The following DBR1 variants were observed in gnomAD, a reference collection of about 807,000 sequenced individuals.
DBR1 encodes debranching RNA lariats 1, also known as lariat debranching enzyme.
A neutral mutation model predicts 45.9 loss-of-function variants in DBR1; 33 were observed. The observed-to-expected ratio is 0.72, with a 90% CI of 0.55 to 0.96. DBR1 has a LOEUF of 0.96. Ranked by LOEUF, DBR1 falls within the 40% of genes least tolerant of loss-of-function variation. The pLI is 0.00. For synonymous variants in DBR1, 235 were observed against 235.9 expected, an observed-to-expected ratio of 1.00 and a Z score of 0.04; for missense variants, 619 against 667.4, an observed-to-expected ratio of 0.93 and a Z score of 0.80.
At position 138,174,636 on chromosome 3, in the gene DBR1, C is replaced by G. The variant is rs1387493876; in HGVS notation, c.160G>C (p.Val54Leu). 13 of 1,611,968 alleles carry G rather than the reference C, an allele frequency of 8.1e-6. No homozygotes were observed. In the African/African-American group the frequency reaches 1.7e-4, roughly 22 times the overall value. Residue 54 changes from valine (V) to leucine (L), a missense_variant, in exon 1 of 8, where the codon GTG (valine) becomes CTG (leucine). Around this residue, in one of 3 missense-constraint regions of DBR1, gnomAD observed 430 missense variants for 447.7 expected, o/e 0.96. Coordinates refer to ENST00000260803, the MANE Select transcript of DBR1 (RefSeq NM_016216.4). ...TGCATGTGACGATACTTGGGCGGCA[C>G]GGCCATGCAGCGTAGATCCGCCTCG... ...RNEADLRCMA[V>L]PPKYRHMQTF... is the part of the protein sequence containing the mutation.
chr3:138,164,004 A>G, intron 5 of DBR1, 146 bp from the exon 6 acceptor site: 1 of 530,422 alleles, frequency 1.9e-6, no homozygotes, highest in Non-Finnish European at 3.4e-6. Context: ...TCCAAAATTA[A>G]GTTAATTCTA....
chr3:138,172,212 T>G (rs527240299), intron 2 of DBR1, among the ~76,000 whole-genome samples: 12 of 152,328 alleles, frequency 7.9e-5, no homozygotes, highest in Non-Finnish European at 1.3e-4. Context: ...AGTAGCAAAG[T>G]AGGGAAACTA....
chr3:138,165,717 A>G (rs2042927448), intron 5 of DBR1, among the ~76,000 whole-genome samples: 1 of 152,056 alleles, frequency 6.6e-6, no homozygotes, highest in Non-Finnish European at 1.5e-5. Context: ...CAACAGAGCA[A>G]GACTCTGTCT....
chr3:138,161,859 CA>C lies in DBR1; in HGVS notation c.*29del. 1 of 1,577,360 alleles carries C rather than the reference CA, an allele frequency of 6.3e-7. No homozygotes were observed. The highest frequency in any genetic ancestry group is 8.7e-7 in the Non-Finnish European group (1 of 1,150,044). On this transcript the variant is annotated 3_prime_UTR_variant, in exon 8 of 8. Transcript: ENST00000260803. ...GAAACTCCATCTCAAAAAAACAAAACAAACACAAAAACAAAACAAGTAAATC... is the reference window on the plus strand; with the variant it reads ...GAAACTCCATCTCAAAAAAACAAAACAACACAAAAACAAAACAAGTAAATC...
At position 138,167,209 on chromosome 3, in the gene DBR1, A is replaced by G; in HGVS notation, c.586T>C (p.Phe196Leu). The G allele has an allele frequency of 6.2e-7, 1 of 1,614,074 alleles. No individual in the cohort carries two copies. The highest frequency in any genetic ancestry group is 1.1e-5 in the South Asian group (1 of 91,044). Residue 196 changes from phenylalanine (F) to leucine (L), a missense_variant, in exon 5 of 8, where the codon TTC becomes CTC. Coordinates refer to ENST00000260803, the MANE Select transcript of DBR1 (RefSeq NM_016216.4). ...GTGTTATTTTCCACTTCTTGTCGGA[A>G]AAAAGATTTAGTCTTAAGAAGTTGC... Reference protein sequence around the residue: ...KKQLLKTKSFFRQEVENNTLG... With the variant: ...KKQLLKTKSFLRQEVENNTLG...
chr3:138,166,750 T>A (rs1490878505), intron 5 of DBR1, among the ~76,000 whole-genome samples: 1 of 152,208 alleles, frequency 6.6e-6, no homozygotes, highest in Non-Finnish European at 1.5e-5. Flanking sequence ...CCTCTGCACA[T>A]GCCAGTCCCT....
Position 138,163,862 on chromosome 3 carries a change from G to T in DBR1, c.715-4C>A. On this transcript the variant is annotated splice_polypyrimidine_tract_variant and splice_region_variant and intron_variant, in intron 5 of 7. Transcript: ENST00000260803. ...CTGTCTGTCCTTTATCCTTTGCCTG[G>T]ACAATATGAATCATGATTTAAGAAA... 2 of 1,605,844 alleles carry T rather than the reference G, an allele frequency of 1.2e-6. No individual in the cohort carries two copies. The highest frequency in any genetic ancestry group is 1.1e-5 in the South Asian group (1 of 90,828).
At position 138,162,171 on chromosome 3, in the gene DBR1, C is replaced by T. The variant is rs749811392; in HGVS notation, c.1353G>A (p.Ser451=). Residue 451 remains serine, a synonymous_variant, in exon 8 of 8, where the codon TCG becomes TCA. Transcript: ENST00000260803. The part of the protein sequence containing the change: ...VSAHSGMNTP[S]VEPSDQASEF... The stretch of plus-strand genomic sequence containing the variant: ...CAGAAGCTTGATCAGAAGGTTCTAC[C>T]GATGGTGTATTCATGCCACTATGTG... The T allele has an allele frequency of 6.2e-6, 10 of 1,613,988 alleles. No homozygotes were observed. The highest frequency in any genetic ancestry group is 2.7e-5 in the African/African-American group (2 of 74,914).
At chr3:138,172,621 A>G (rs2042960429) in intron 2 of DBR1, among the ~76,000 whole-genome samples, 1 of 152,166 alleles carries the variant, frequency 6.6e-6, no homozygotes, top group Admixed American at 6.5e-5. Flanking sequence ...AAAAGGCTAT[A>G]TAGTTTATAG....
Position 138,171,639 on chromosome 3 carries a change from G to T in DBR1, c.397C>A (p.Arg133=), listed in dbSNP as rs569272609. The part of the protein sequence containing the change: ...ISGIFKSHDY[R]KGHFECPPYN... ...ATAATTCTCAAAACAATACCTTTTCGATAGTCATGAGATTTAAAGATACCA... is the reference window on the plus strand; with the variant it reads ...ATAATTCTCAAAACAATACCTTTTCTATAGTCATGAGATTTAAAGATACCA... Residue 133 remains arginine, a synonymous_variant, in exon 3 of 8, where the codon CGA becomes AGA. Transcript: ENST00000260803. The T allele has an allele frequency of 2.0e-5, 32 of 1,610,398 alleles. No homozygotes were observed. The highest frequency in any genetic ancestry group is 2.7e-5 in the Non-Finnish European group (32 of 1,177,022).
rs1219558762 is a variant in DBR1 at position 138,163,796 on chromosome 3, T to C, written c.777A>G (p.Pro259=). 6 of 1,611,684 alleles carry C rather than the reference T, an allele frequency of 3.7e-6. No homozygotes were observed. Among genetic ancestry groups the C allele is most frequent in the Non-Finnish European group, 5.1e-6 (6 of 1,178,482 alleles). The change falls in exon 6 of 8, where the codon CCA becomes CCG. Residue 259 remains proline, a synonymous_variant. Transcript: ENST00000260803. The part of the protein sequence containing the change: ...TKFLALDKCL[P]HRDFLQILEI... ...TTCTTACCTGAAGAAAATCTCTATG[T>C]GGTAAGCATTTGTCCAAGGCTAAAA...
intron 7 of DBR1, 143 bp downstream of exon 7, chr3:138,163,206 G>T: frequency 1.3e-6 from 1 of 789,746 alleles, no homozygotes; most frequent in Non-Finnish European, 1.9e-6. Context: ...GATGCAGTGA[G>T]CCAAGATCCA....
In DBR1 at chr3:138,174,840, C is replaced by A. The variant is rs1357680514; in HGVS notation, c.-45G>T. 1.3e-6 allele frequency: 2 copies of A among 1,578,950 alleles called. No individual in the cohort carries two copies. Among genetic ancestry groups the A allele is most frequent in the Non-Finnish European group, 1.7e-6 (2 of 1,161,560 alleles). ...GAGCGCTGCCTGCAACGCCCTACAC[C>A]ACAGCCAGCCCAGGACCGACTGATC... is the stretch of plus-strand genomic sequence containing the variant. On this transcript the variant is annotated 5_prime_UTR_variant, in exon 1 of 8. Coordinates refer to ENST00000260803, the MANE Select transcript of DBR1 (RefSeq NM_016216.4).
In DBR1 at chr3:138,162,369, C is replaced by A; in HGVS notation, c.1155G>T (p.Lys385Asn). 1 of 1,614,154 alleles carries A rather than the reference C, an allele frequency of 6.2e-7. No individual in the cohort carries two copies. Among genetic ancestry groups the A allele is most frequent in the Non-Finnish European group, 8.5e-7 (1 of 1,180,032 alleles). The change falls in exon 8 of 8, where the codon AAG becomes AAT. Residue 385 changes from lysine to asparagine, a missense_variant. By Grantham distance (94) the Lys-to-Asn change is moderately conservative. Around this residue, in one of 3 missense-constraint regions of DBR1, gnomAD observed 182 missense variants for 196.1 expected, o/e 0.93. Coordinates refer to ENST00000260803, the MANE Select transcript of DBR1 (RefSeq NM_016216.4). The stretch of plus-strand genomic sequence containing the variant: ...CACACACATGATGTTCTTCCTTGGA[C>A]TTCTGAAGCCTAACATTGATGTCTA... ...GIIDINVRLQ[K>N]SKEEHHVCGE...
chr3:138,174,588 C>A lies in DBR1; in HGVS notation c.197+11G>T, dbSNP rs746943007. ...CCCCACCGCCAAGTCCGGGCCCGGC[C>A]GCGTCCTCACCTGTAGAAGGTTTGC... On this transcript the variant is annotated intron_variant, in intron 1 of 7. Transcript: ENST00000260803. The A allele has an allele frequency of 2.9e-5, 47 of 1,597,044 alleles. No homozygotes were observed. Among genetic ancestry groups the A allele is most frequent in the Non-Finnish European group, 3.8e-5 (44 of 1,171,178 alleles).
rs72973072 is a variant in DBR1, at chr3:138,174,667, C to T, written c.129G>A (p.Val43=). Residue 43 remains valine, a synonymous_variant, in exon 1 of 8, where the codon GTG becomes GTA. Transcript: ENST00000260803. The part of the protein sequence containing the change: ...LLLCCGDFQA[V]RNEADLRCMA... Reference sequence around the variant, plus strand: ...TGCAGCGTAGATCCGCCTCGTTGCGCACCGCCTGGAAGTCGCCGCAGCACA... The same window carrying T: ...TGCAGCGTAGATCCGCCTCGTTGCGTACCGCCTGGAAGTCGCCGCAGCACA... 5,639 of 1,612,748 alleles carry T rather than the reference C, an allele frequency of 3.5e-3. 145 individuals are homozygous for T. The African/African-American group carries it at 0.062, about 18-fold the overall frequency.
rs960080372 is a variant in DBR1, at chr3:138,161,305, G to A, written c.*584C>T. 6.5e-6 allele frequency: 1 copy of A among 153,060 alleles called. No individual in the cohort carries two copies. Among genetic ancestry groups the A allele is most frequent in the Non-Finnish European group, 1.5e-5 (1 of 68,762 alleles). 9.5% of individuals were successfully genotyped at this position (153,060 alleles called of 1,614,324 possible). On this transcript the variant is annotated 3_prime_UTR_variant, in exon 8 of 8. Coordinates refer to ENST00000260803, the MANE Select transcript of DBR1 (RefSeq NM_016216.4). The stretch of plus-strand genomic sequence containing the variant: ...GTGCTTGGCACAGAGTAGATGTTAA[G>A]TAAGTGTTTATTGTAAAAATGGAAG...
rs371063854 is a variant in DBR1 at position 138,163,364 on chromosome 3, T to C, written c.926A>G (p.Asn309Ser). The C allele has an allele frequency of 8.7e-6, 14 of 1,613,620 alleles. No homozygotes were observed. The highest frequency in any genetic ancestry group is 6.7e-5 in the African/African-American group (5 of 75,044). The change falls in exon 7 of 8, where the codon AAT becomes AGT. Residue 309 changes from asparagine to serine, a missense_variant. Physicochemically the swap from Asn to Ser is conservative, Grantham distance 46 (BLOSUM62 1). This residue lies in a region of DBR1 where 430 missense variants were observed against 447.7 expected (regional missense o/e 0.96). Transcript: ENST00000260803. ...TCTGACTTACCTTGCATGCAGGCCA[T>C]TATTTTCTGGCATATTCCACAGGCG... ...TGRLWNMPEN[N>S]GLHARWDYSA...
At chr3:138,170,049 T>C in intron 4 of DBR1, 58 bp downstream of exon 4, 3 of 1,099,260 alleles carry the variant, frequency 2.7e-6, no homozygotes. Flanking sequence ...AAAATACATT[T>C]TGGCACAGAA....
Sources: allele counts gnomAD v4.1 joint callset (sites outside exome capture counted in the v4.1 genomes callset), GRCh38; gene constraint gnomAD v4.1.1; regional missense constraint gnomAD v4.1.1; transcripts MANE v1.5; gene names NCBI Gene and HGNC (gene_info 2026-07-23, HGNC 2026-07-21).